The following SRP9 variants were observed in gnomAD, a reference collection of about 807,000 sequenced individuals.
The protein encoded by SRP9 is signal recognition particle 9.
Under a neutral mutation model 11.7 loss-of-function variants are expected in SRP9, and 2 were observed. The ratio of observed to expected loss-of-function variants is 0.17; its 90% CI spans 0.07 to 0.54. SRP9 has a LOEUF of 0.54. SRP9 is among the 20% of genes least tolerant of loss of function. The pLI is 0.94. For synonymous variants in SRP9, 27 were observed against 35.6 expected (o/e 0.76, Z 0.86); for missense variants, 54 against 108.1 (o/e 0.50, Z 2.22).
intron 2 of SRP9, among the ~76,000 whole-genome samples, chr1:225,787,271 G>A (rs11583073): frequency 0.33 from 50,288 of 151,788 alleles, 8,698 homozygotes; most frequent in South Asian, 0.5. Flanking sequence ...GCGGTGGCTC[G>A]TGCTGGTAAT....
chr1:225,788,967 A>G (rs1205156710), intron 2 of SRP9: 3 of 1,540,396 alleles, frequency 1.9e-6, no homozygotes, highest in African/African-American at 2.8e-5. Context: ...ATCAGACCAT[A>G]GCAGGATTTA....
chr1:225,781,216 C>T (rs1395735114), intron 1 of SRP9, among the ~76,000 whole-genome samples: 1 of 152,082 alleles, frequency 6.6e-6, no homozygotes, highest in African/African-American at 2.4e-5. Flanking sequence ...CTCTCTTTAG[C>T]ATTTTATCTG....
rs1480733255 is a variant in SRP9 at position 225,790,435 on chromosome 1, A to T, written c.*1076A>T. The T allele has an allele frequency of 6.6e-6, 1 of 152,232 alleles. No homozygotes were observed. Among genetic ancestry groups the T allele is most frequent in the East Asian group, 1.9e-4 (1 of 5,198 alleles). 9.4% of individuals were successfully genotyped at this position (152,232 alleles called of 1,614,324 possible). On this transcript the variant is annotated 3_prime_UTR_variant, in exon 3 of 3. Coordinates refer to ENST00000304786, the MANE Select transcript of SRP9 (RefSeq NM_003133.6). Reference sequence around the variant, plus strand: ...ATATGAATTTTGGCATGTTTCAGAGAGATCAGTAAATAAAATATTAGATAA... The same window carrying T: ...ATATGAATTTTGGCATGTTTCAGAGTGATCAGTAAATAAAATATTAGATAA...
intron 2 of SRP9, among the ~76,000 whole-genome samples, chr1:225,788,842 T>G (rs575048415): frequency 6.6e-5 from 10 of 151,454 alleles, no homozygotes; most frequent in East Asian, 3.9e-4. Context: ...GATTTCTGTG[T>G]TTTTTTTTCC....
intron 2 of SRP9, among the ~76,000 whole-genome samples, chr1:225,784,951 A>T (rs922533820): frequency 2.4e-4 from 36 of 151,944 alleles, no homozygotes; most frequent in Non-Finnish European, 3.7e-4. Context: ...AATTAAAAAA[A>T]TTTTTTTAGA....
intron 1 of SRP9, among the ~76,000 whole-genome samples, chr1:225,779,703 A>G (rs2102645888): frequency 6.6e-6 from 1 of 152,318 alleles, no homozygotes; most frequent in East Asian, 1.9e-4. Context: ...ATAATAAATG[A>G]TGGAAATTGT....
intron 2 of SRP9, 181 bp from the exon 3 acceptor site, chr1:225,789,059 T>C (rs1379792841): frequency 1.9e-6 from 3 of 1,551,132 alleles, no homozygotes; most frequent in East Asian, 2.4e-5. Context: ...TACTGTACTT[T>C]AAGACATGGA....
chr1:225,786,169 T>C (rs1038161967), intron 2 of SRP9, among the ~76,000 whole-genome samples: 1 of 152,242 alleles, frequency 6.6e-6, no homozygotes, highest in Non-Finnish European at 1.5e-5. Flanking sequence ...CAATATTGAA[T>C]CCCACCTCCA....
intron 2 of SRP9, among the ~76,000 whole-genome samples, chr1:225,786,141 A>G (rs887588424): frequency 2.0e-5 from 3 of 152,170 alleles, no homozygotes; most frequent in Non-Finnish European, 2.9e-5. Flanking sequence ...GCTTTCAAAC[A>G]TTCTGTTTCC....
At chr1:225,781,233 C>G (rs1160588808) in intron 1 of SRP9, among the ~76,000 whole-genome samples, 1 of 151,618 alleles carries the variant, frequency 6.6e-6, no homozygotes, top group East Asian at 1.9e-4. Context: ...TCTGTATATC[C>G]CTTTATAGGA....
At chr1:225,778,065 G>C in intron 1 of SRP9, 53 bp downstream of exon 1, 1 of 1,599,594 alleles carries the variant, frequency 6.3e-7, no homozygotes, top group East Asian at 2.2e-5. Context: ...ATGTCTTCCC[G>C]CCATCCACTC....
rs773025928 is a variant in SRP9 at position 225,777,893 on chromosome 1, C to T, written c.-48C>T. 14 of 1,558,472 alleles carry T rather than the reference C, an allele frequency of 9.0e-6. No individual in the cohort carries two copies. Among genetic ancestry groups the T allele is most frequent in the African/African-American group, 2.7e-5 (2 of 73,610 alleles). On this transcript the variant is annotated 5_prime_UTR_variant, in exon 1 of 3. Coordinates refer to ENST00000304786, the MANE Select transcript of SRP9 (RefSeq NM_003133.6). ...TCCCGGACGTAGGTAGTTTGTTGGG[C>T]CGGGTTCTGAGGCCTTGCTTCTCTT...
At chr1:225,787,425 G>C (rs1369991367) in intron 2 of SRP9, among the ~76,000 whole-genome samples, 1 of 152,072 alleles carries the variant, frequency 6.6e-6, no homozygotes, top group Non-Finnish European at 1.5e-5. Context: ...CTACTTGGGA[G>C]GCTGAGGCAG....
chr1:225,780,880 CTTTTTA>C (rs1313957345), intron 1 of SRP9, among the ~76,000 whole-genome samples: 1 of 152,186 alleles, frequency 6.6e-6, no homozygotes, highest in Non-Finnish European at 1.5e-5. Context: ...GTCTGTCAGC[CTTTTTA>C]GTTCCTTAAC....
intron 2 of SRP9, among the ~76,000 whole-genome samples, chr1:225,788,877 G>A (rs2102653184): frequency 6.6e-6 from 1 of 152,118 alleles, no homozygotes; most frequent in Non-Finnish European, 1.5e-5. Flanking sequence ...ACTTATGGCT[G>A]GGAGAAAATA....
chr1:225,779,558 T>C (rs1010371968), intron 1 of SRP9, among the ~76,000 whole-genome samples: 4 of 152,212 alleles, frequency 2.6e-5, no homozygotes, highest in African/African-American at 9.7e-5. Context: ...ATACAGTTTA[T>C]AGTGCATATA....
At chr1:225,785,973 A>G (rs1420986932) in intron 2 of SRP9, among the ~76,000 whole-genome samples, 1 of 152,250 alleles carries the variant, frequency 6.6e-6, no homozygotes, top group Non-Finnish European at 1.5e-5. Context: ...GGTGTGATCC[A>G]CCACGCCCAG....
Position 225,777,847 on chromosome 1 carries a change from G to C in SRP9, c.-94G>C. ...AGGCGCCGCCATCTTGGGGCTGCTG[G>C]GACTCGCGTCGGTTGGCGACTCCCG... is the stretch of plus-strand genomic sequence containing the variant. On this transcript the variant is annotated 5_prime_UTR_variant, in exon 1 of 3. Coordinates refer to ENST00000304786, the MANE Select transcript of SRP9 (RefSeq NM_003133.6). 1 of 1,261,836 alleles carries C rather than the reference G, an allele frequency of 7.9e-7. No homozygotes were observed. Among genetic ancestry groups the C allele is most frequent in the Non-Finnish European group, 1.1e-6 (1 of 880,190 alleles). 78.2% of individuals were successfully genotyped at this position (1,261,836 alleles called of 1,614,324 possible).
intron 1 of SRP9, among the ~76,000 whole-genome samples, chr1:225,782,991 C>T (rs976478599): frequency 3.3e-5 from 5 of 152,178 alleles, no homozygotes; most frequent in Non-Finnish European, 5.9e-5. Context: ...GCAAGAAATG[C>T]CACCTTATAA....
Sources: gnomAD v4.1 joint callset for allele counts (sites outside exome capture counted in the v4.1 genomes callset) on GRCh38, gnomAD v4.1.1 for gene constraint, MANE v1.5 for transcripts, NCBI Gene and HGNC (gene_info 2026-07-23, HGNC 2026-07-21) for gene names.